ADPRHL1: variants seen among roughly 807,000 people sequenced by gnomAD.
The protein encoded by ADPRHL1 is ADP-ribosylhydrolase like 1, also known as inactive ADP-ribosyltransferase ARH2.
Under a neutral mutation model 44.1 loss-of-function variants are expected in ADPRHL1, and 43 were observed. That is an observed-to-expected ratio of 0.98 (90% CI 0.76 to 1.26). ADPRHL1 has a LOEUF of 1.26. Among genes scored for constraint, ADPRHL1 ranks in the 50% most tolerant of loss-of-function variants. The pLI, the probability that ADPRHL1 is intolerant of heterozygous loss-of-function variation, is 0.00. For missense variants in ADPRHL1, 2,022 were observed against 2,496.9 expected, an observed-to-expected ratio of 0.81 and a Z score of 4.05; for synonymous variants, 878 against 1,017.4, an observed-to-expected ratio of 0.86 and a Z score of 2.61.
chr13:113,411,060 G>T (rs994607028), intron 7 of ADPRHL1, among the ~76,000 whole-genome samples: 10 of 152,194 alleles, frequency 6.6e-5, no homozygotes, highest in Non-Finnish European at 1.5e-4. Context: ...TTGTGGTGGG[G>T]ACATTCTGAT....
intron 7 of ADPRHL1, among the ~76,000 whole-genome samples, chr13:113,413,964 C>T (rs954342158): frequency 3.3e-5 from 5 of 152,218 alleles, no homozygotes; most frequent in Admixed American, 6.5e-5. Context: ...GAGACACACC[C>T]GGGCCCACCA....
In ADPRHL1 at chr13:113,409,807, T is replaced by G. The variant is rs1359845484; in HGVS notation, c.1062-1587A>C. Among the ~76,000 whole-genome samples the G allele has an allele frequency of 3.5e-5, 5 of 144,646 alleles. No homozygotes were observed. The allele number at this position is 144,646 out of a possible 152,430, so 94.9% of individuals were successfully genotyped here. On this transcript the variant is annotated intron_variant, in intron 7 of 7. Transcript: ENST00000612156. The surrounding 1 kb of genome is among the most constrained non-coding windows in gnomAD (Gnocchi z 4.2). ...GGGAGGCTGAGGCAGGCGAATGGCGTGAACCCAGGAGGCAGAGCTTGCAGT... is the reference window on the plus strand; with the variant it reads ...GGGAGGCTGAGGCAGGCGAATGGCGGGAACCCAGGAGGCAGAGCTTGCAGT...
In ADPRHL1 at chr13:113,404,339, GCCCCTTTCTGGGCCTGACCCTGAA is replaced by G; in HGVS notation, c.4919_4942del (p.Val1640_Gly1647del). On this transcript the variant is annotated inframe_deletion, in exon 8 of 8. Coordinates refer to ENST00000612156, the MANE Select transcript of ADPRHL1 (RefSeq NM_001394807.1). ...AGCCTGTTCCTGGGCCCGTTCCTGA[GCCCCTTTCTGGGCCTGACCCTGAA>G]CCCGTTCCTGAGCCCCTTTCTGGGT... 3 of 1,326,618 alleles carry G rather than the reference GCCCCTTTCTGGGCCTGACCCTGAA, an allele frequency of 2.3e-6. No homozygotes were observed. The highest frequency in any genetic ancestry group is 3.9e-5 in the Admixed American group (1 of 25,672). The allele number at this position is 1,326,618 out of a possible 1,614,324, so 82.2% of individuals were successfully genotyped here. A position where few individuals can be genotyped will look rare whatever the true frequency, so the allele number is the denominator to read the frequency against.
chr13:113,403,777 A>G lies in ADPRHL1; in HGVS notation c.5505T>C (p.Ser1835=). The G allele has an allele frequency of 5.7e-6, 7 of 1,231,910 alleles. No homozygotes were observed. Among genetic ancestry groups the G allele is most frequent in the Non-Finnish European group, 6.1e-6 (6 of 988,750 alleles). The allele number at this position is 1,231,910 out of a possible 1,614,324, so 76.3% of individuals were successfully genotyped here. A position where few individuals can be genotyped will look rare whatever the true frequency, so the allele number is the denominator to read the frequency against. Residue 1835 remains serine (S), a synonymous_variant, in exon 8 of 8, where the codon AGT becomes AGC. Transcript: ENST00000612156. ...IAEGVDAAGR[S]GGSRSPAPRD... ...TGGGGGCTGGGCTTCTGGACCCCCC[A>G]CTCCTGCCAGCAGCATCCACTCCCT...
chr13:113,429,099 G>A lies in ADPRHL1; in HGVS notation c.506-7C>T. ...CACAGGGAGCCCAGGAAGCCTGGAG[G>A]GCAGGGAAGAGAGAGGGGGCACCAT... On this transcript the variant is annotated splice_region_variant and splice_polypyrimidine_tract_variant and intron_variant, in intron 3 of 7. Transcript: ENST00000612156. 2 of 1,588,804 alleles carry A rather than the reference G, an allele frequency of 1.3e-6. No individual in the cohort carries two copies. Among genetic ancestry groups the A allele is most frequent in the South Asian group, 2.2e-5 (2 of 89,924 alleles).
intron 2 of ADPRHL1, among the ~76,000 whole-genome samples, chr13:113,438,074 G>T (rs1044042304): frequency 9.9e-5 from 15 of 152,134 alleles, no homozygotes; most frequent in Non-Finnish European, 1.5e-4. Flanking sequence ...CAGGTGATCA[G>T]CCTGCCTTGG....
rs754723300 is a variant in ADPRHL1, at chr13:113,422,938, C to CGAACAGGCA, written c.940_948dup (p.Cys314_Phe316dup). 1 of 1,612,910 alleles carries CGAACAGGCA rather than the reference C, an allele frequency of 6.2e-7. No homozygotes were observed. The highest frequency in any genetic ancestry group is 2.2e-5 in the East Asian group (1 of 44,866). On this transcript the variant is annotated inframe_insertion, in exon 7 of 8. Transcript: ENST00000612156. ...ACGAGGTCCAGGCCGTACAGCAACC[C>CGAACAGGCA]GAACAGGCAGCCTGCAATGGTGCCC...
At chr13:113,410,886 C>T (rs2043847766) in intron 7 of ADPRHL1, among the ~76,000 whole-genome samples, 1 of 152,248 alleles carries the variant, frequency 6.6e-6, no homozygotes, top group African/African-American at 2.4e-5. Flanking sequence ...CTGGACACGT[C>T]CCCTCTGCTA....
intron 4 of ADPRHL1, among the ~76,000 whole-genome samples, chr13:113,427,688 C>A (rs929039456): frequency 3.3e-5 from 5 of 152,230 alleles, no homozygotes; most frequent in African/African-American, 1.2e-4. Context: ...ACAAAGTGTG[C>A]TGTGGCCTGC....
At chr13:113,447,048 GTGT>G (rs1395440915) in intron 1 of ADPRHL1, among the ~76,000 whole-genome samples, 1 of 146,650 alleles carries the variant, frequency 6.8e-6, no homozygotes, top group Non-Finnish European at 1.5e-5. Flanking sequence ...TACATGCACG[GTGT>G]TGTGTGTGCA....
At position 113,419,280 on chromosome 13, in the gene ADPRHL1, A is replaced by ATTT. The variant is rs33995150; in HGVS notation, c.1061+3543_1061+3545dup. ...AACACCATACCCAGCTAATTTTTGT[A>ATTT]TTTTTTTTTTTTTTTTTGTAGAGAT... On this transcript the variant is annotated intron_variant, in intron 7 of 7. Coordinates refer to ENST00000612156, the MANE Select transcript of ADPRHL1 (RefSeq NM_001394807.1). Among the ~76,000 whole-genome samples the ATTT allele has an allele frequency of 4.3e-3, 456 of 106,472 alleles. 10 individuals carry two copies. The highest frequency in any genetic ancestry group is 0.011 in the African/African-American group (283 of 25,500). The allele number at this position is 106,472 out of a possible 152,430, so 69.8% of individuals were successfully genotyped here.
At position 113,441,814 on chromosome 13, in the gene ADPRHL1, ACGGGTCCG is replaced by A. The variant is rs2044100702; in HGVS notation, c.379+2603_379+2610del. 1.3e-5 allele frequency among the ~76,000 whole-genome samples: 2 copies of A among 149,584 alleles called. No individual in the cohort carries two copies. The highest frequency in any genetic ancestry group is 5.0e-5 in the African/African-American group (2 of 40,390). The stretch of plus-strand genomic sequence containing the variant: ...TCTCTATCACGCTTTACTCCACCAC[ACGGGTCCG>A]TGTCTCTGTCACGTTGTGTCCCGCC... On this transcript the variant is annotated intron_variant, in intron 2 of 7. Transcript: ENST00000612156. The surrounding 1 kb of genome is among the most constrained non-coding windows in gnomAD (Gnocchi z 6.0).
intron 7 of ADPRHL1, among the ~76,000 whole-genome samples, chr13:113,420,387 C>A (rs2043909333): frequency 6.6e-6 from 1 of 151,858 alleles, no homozygotes; most frequent in South Asian, 2.1e-4. Flanking sequence ...CCGAGTCCAC[C>A]CTGTTTGAAT....
chr13:113,444,424 C>T lies in ADPRHL1; in HGVS notation c.379+1G>A, dbSNP rs1322207769. The T allele has an allele frequency of 3.1e-6, 5 of 1,613,550 alleles. No homozygotes were observed. Among genetic ancestry groups the T allele is most frequent in the Non-Finnish European group, 4.2e-6 (5 of 1,179,532 alleles). ...GGGGGAGAGGAGAGGATTTCCCTGA[C>T]CTTTTTCATTGAACGGTGTGTGCCA... On this transcript the variant is annotated splice_donor_variant, in intron 2 of 7. Transcript: ENST00000612156. LOFTEE classifies it high-confidence loss of function.
At chr13:113,425,610 G>A (rs2043962663) in intron 4 of ADPRHL1, among the ~76,000 whole-genome samples, 2 of 151,596 alleles carry the variant, frequency 1.3e-5, no homozygotes, top group Non-Finnish European at 2.9e-5. Context: ...GACCTCAGGT[G>A]ATCCACCTGC....
At chr13:113,419,079 C>T (rs1353954286) in intron 7 of ADPRHL1, among the ~76,000 whole-genome samples, 4 of 94,746 alleles carry the variant, frequency 4.2e-5, no homozygotes, top group African/African-American at 1.5e-4. Context: ...TCCCTCCTTC[C>T]TTCCTTCTTC....
At chr13:113,444,996 T>C (rs1211293962) in intron 1 of ADPRHL1, among the ~76,000 whole-genome samples, 1 of 152,206 alleles carries the variant, frequency 6.6e-6, no homozygotes, top group Non-Finnish European at 1.5e-5. Flanking sequence ...CTCTATGGGC[T>C]TGTGACGCCG....
At chr13:113,434,120 C>G (rs919833429) in intron 2 of ADPRHL1, among the ~76,000 whole-genome samples, 1 of 152,202 alleles carries the variant, frequency 6.6e-6, no homozygotes, top group Non-Finnish European at 1.5e-5. Flanking sequence ...TGGAGATATG[C>G]TCGTGATTTG....
rs754251047 is a variant in ADPRHL1, at chr13:113,453,182, TC to T, written c.214+41del. On this transcript the variant is annotated intron_variant, in intron 1 of 7. Coordinates refer to ENST00000612156, the MANE Select transcript of ADPRHL1 (RefSeq NM_001394807.1). The surrounding 1 kb of genome is among the most constrained non-coding windows in gnomAD (Gnocchi z 5.4). ...CTGGGAGAACTCGAGCAGCCAGTGT[TC>T]CCTCCAGCCCGCACACCGGAGCGCG... 1.9e-6 allele frequency: 3 copies of T among 1,605,794 alleles called. No homozygotes were observed. The South Asian group carries it at 3.3e-5, about 18-fold the overall frequency.
Sources: gnomAD v4.1 joint callset for allele counts (sites outside exome capture counted in the v4.1 genomes callset) on GRCh38, gnomAD v4.1.1 for gene constraint, Gnocchi (gnomAD v3.1) non-coding constraint, MANE v1.5 for transcripts, NCBI Gene and HGNC (gene_info 2026-07-23, HGNC 2026-07-21) for gene names.